ACYP2: variants seen among roughly 807,000 people sequenced by gnomAD.
The protein encoded by ACYP2 is acylphosphatase 2.
A neutral mutation model predicts 11.2 loss-of-function variants in ACYP2; 12 were observed. The ratio of observed to expected loss-of-function variants is 1.08; its 90% CI spans 0.69 to 1.74. The LOEUF (loss-of-function observed/expected upper bound fraction) is 1.74, where lower values mean the gene tolerates loss of function less well. Among genes scored for constraint, ACYP2 ranks in the 40% most tolerant of loss-of-function variants. The probability of loss-of-function intolerance (pLI) is 0.00; values close to 1 mark genes in which losing one functional copy is unlikely to be tolerated. For missense variants in ACYP2, 134 were observed against 101.9 expected (o/e 1.31, Z -1.35); for synonymous variants, 43 against 32.2 (o/e 1.33, Z -1.13).
chr2:54,050,662 T>G (rs755988228), intron 2 of ACYP2, among the ~76,000 whole-genome samples: 2 of 152,178 alleles, frequency 1.3e-5, no homozygotes, highest in Non-Finnish European at 2.9e-5. Flanking sequence ...TGCATAGTCA[T>G]GTATACACCG....
chr2:54,291,407 C>A (rs1689298130), intron 6 of ACYP2, among the ~76,000 whole-genome samples: 4 of 152,148 alleles, frequency 2.6e-5, no homozygotes, highest in African/African-American at 9.7e-5. Flanking sequence ...TCCTCTGAAT[C>A]CCAGAGTGAA....
chr2:54,105,922 A>T (rs1005933470), intron 4 of ACYP2, among the ~76,000 whole-genome samples: 2 of 151,972 alleles, frequency 1.3e-5, no homozygotes, highest in African/African-American at 2.4e-5. Flanking sequence ...TGGAAAGAAC[A>T]CTGAATTTTT....
At chr2:54,070,530 T>TA (rs1676981149) in intron 4 of ACYP2, among the ~76,000 whole-genome samples, 2 of 152,146 alleles carry the variant, frequency 1.3e-5, no homozygotes, top group Non-Finnish European at 2.9e-5. Context: ...TTTCCCCACT[T>TA]ACTTAGCTCT....
At chr2:54,002,630 C>A (rs931509444) in intron 2 of ACYP2, among the ~76,000 whole-genome samples, 1 of 149,564 alleles carries the variant, frequency 6.7e-6, no homozygotes, top group Admixed American at 6.6e-5. Flanking sequence ...TAGGCATGAG[C>A]TACCATGCCT....
At chr2:54,244,228 G>A (rs1196941056) in intron 6 of ACYP2, among the ~76,000 whole-genome samples, 1 of 151,940 alleles carries the variant, frequency 6.6e-6, no homozygotes, top group Admixed American at 6.6e-5. Flanking sequence ...TAGAGATGGG[G>A]CCTCACTCTG....
chr2:54,190,340 G>T (rs978277244), intron 6 of ACYP2, among the ~76,000 whole-genome samples: 6 of 151,590 alleles, frequency 4.0e-5, no homozygotes, highest in Non-Finnish European at 8.8e-5. Context: ...TTCACATATT[G>T]TCCCATTTTT....
intron 6 of ACYP2, among the ~76,000 whole-genome samples, chr2:54,217,138 G>A (rs988344094): frequency 2.0e-5 from 3 of 152,006 alleles, no homozygotes; most frequent in African/African-American, 4.8e-5. Context: ...GTCTAGAAAA[G>A]TGCTGAAAAA....
rs141122477 is a variant in ACYP2, at chr2:54,005,575, G to C, written c.62+31765G>C. Among the ~76,000 whole-genome samples, 321 of 152,274 alleles carry C rather than the reference G, an allele frequency of 2.1e-3. 2 individuals are homozygous for C. The highest frequency in any genetic ancestry group is 7.1e-3 in the African/African-American group (297 of 41,560). Reference sequence around the variant, plus strand: ...GCTGGTCTCGATCTCCTGACCTCAGGTGATCCACCTGCCTCAGCCTCCCAA... The same window carrying C: ...GCTGGTCTCGATCTCCTGACCTCAGCTGATCCACCTGCCTCAGCCTCCCAA... On this transcript the variant is annotated intron_variant, in intron 2 of 6. Transcript: ENST00000607452.
chr2:54,233,385 T>C (rs1686330681), intron 6 of ACYP2, among the ~76,000 whole-genome samples: 2 of 151,524 alleles, frequency 1.3e-5, no homozygotes, highest in South Asian at 4.2e-4. Context: ...AACCTCTACT[T>C]CCCTGGGCTC....
In ACYP2 at chr2:54,024,794, A is replaced by C. The variant is rs149753869; in HGVS notation, c.63-26164A>C. On this transcript the variant is annotated intron_variant, in intron 2 of 6. Coordinates refer to ENST00000607452, the MANE Select transcript of ACYP2 (RefSeq NM_001320586.2). The stretch of plus-strand genomic sequence containing the variant: ...ATCCAATTGGTAAAAAGGAAATCAA[A>C]CTGTCGCTGTTTCCTGACGATATGA... 3.0e-3 allele frequency among the ~76,000 whole-genome samples: 454 copies of C among 152,258 alleles called. 2 individuals are homozygous for C. The highest frequency in any genetic ancestry group is 0.01 in the African/African-American group (436 of 41,534).
intron 6 of ACYP2, among the ~76,000 whole-genome samples, chr2:54,157,886 A>T (rs1182692839): frequency 6.6e-6 from 1 of 152,202 alleles, no homozygotes; most frequent in Non-Finnish European, 1.5e-5. Context: ...GTGCAGAGGC[A>T]ACAGCAAACA....
At chr2:54,302,340 C>A (rs1261606099) in intron 6 of ACYP2, among the ~76,000 whole-genome samples, 1 of 152,182 alleles carries the variant, frequency 6.6e-6, no homozygotes, top group Non-Finnish European at 1.5e-5. Context: ...ACTGGCCCTG[C>A]CAGCAGCATT....
chr2:54,264,548 C>T (rs1248427788), intron 6 of ACYP2, among the ~76,000 whole-genome samples: 7 of 152,190 alleles, frequency 4.6e-5, no homozygotes, highest in Non-Finnish European at 1.0e-4. Context: ...GGAAGCCAGG[C>T]AGACAGTGCT....
intron 6 of ACYP2, among the ~76,000 whole-genome samples, chr2:54,167,796 A>G (rs903977118): frequency 6.6e-6 from 1 of 152,204 alleles, no homozygotes; most frequent in African/African-American, 2.4e-5. Flanking sequence ...CAGAGGGAAG[A>G]GAGTTGTGTA....
intron 2 of ACYP2, among the ~76,000 whole-genome samples, chr2:54,011,047 A>G (rs1225033487): frequency 1.3e-5 from 2 of 152,056 alleles, no homozygotes; most frequent in Non-Finnish European, 2.9e-5. Flanking sequence ...GCTAAAAGAC[A>G]CGTCACATTA....
At chr2:54,256,328 G>T in intron 6 of ACYP2, 1 of 656,918 alleles carries the variant, frequency 1.5e-6, no homozygotes, top group Non-Finnish European at 2.6e-6. Context: ...CGAGTCTGTG[G>T]TGGTGTCTTT....
Position 54,030,548 on chromosome 2 carries a change from G to A in ACYP2, c.63-20410G>A, listed in dbSNP as rs547708229. 3.8e-4 allele frequency: 59 copies of A among 154,466 alleles called. 1 individual carries two copies. The highest frequency in any genetic ancestry group is 1.2e-3 in the African/African-American group (50 of 41,572). 9.6% of individuals were successfully genotyped at this position (154,466 alleles called of 1,614,324 possible). ...GTCTGTGTGACTGTCATGCAGCCCC[G>A]TCTGTGCAATTGTCAGGGAGAGTTG... On this transcript the variant is annotated intron_variant, in intron 2 of 6. Coordinates refer to ENST00000607452, the MANE Select transcript of ACYP2 (RefSeq NM_001320586.2).
At chr2:54,198,800 A>G (rs1276152796) in intron 6 of ACYP2, among the ~76,000 whole-genome samples, 3 of 152,238 alleles carry the variant, frequency 2.0e-5, no homozygotes, top group Non-Finnish European at 4.4e-5. Flanking sequence ...CTTACATTTC[A>G]TAGTTCATAC....
At chr2:54,295,637 T>C (rs375905617) in intron 6 of ACYP2, among the ~76,000 whole-genome samples, 1 of 152,104 alleles carries the variant, frequency 6.6e-6, no homozygotes, top group Admixed American at 6.5e-5. Context: ...TTTCTTTAAG[T>C]TTTATTTTAT....
Sources: gnomAD v4.1 joint callset for allele counts (sites outside exome capture counted in the v4.1 genomes callset) on GRCh38, gnomAD v4.1.1 for gene constraint, MANE v1.5 for transcripts, NCBI Gene and HGNC (gene_info 2026-07-23, HGNC 2026-07-21) for gene names.